RAD51B: variants seen among roughly 807,000 people sequenced by gnomAD.
The protein encoded by RAD51B is RAD51 paralog B.
In RAD51B, 38 loss-of-function variants were observed where a neutral mutation model predicts 42.2. The ratio of observed to expected loss-of-function variants is 0.90; its 90% confidence interval spans 0.70 to 1.18. The LOEUF (loss-of-function observed/expected upper bound fraction) is 1.18, where lower values mean the gene tolerates loss of function less well. RAD51B is among the 50% of genes most tolerant of loss of function. The probability of loss-of-function intolerance (pLI) is 0.00; values close to 1 mark genes in which losing one functional copy is unlikely to be tolerated. For synonymous variants in RAD51B, 154 were observed against 145.2 expected (o/e 1.06, Z -0.43); for missense variants, 373 against 400.7 (o/e 0.93, Z 0.59).
At chr14:67,948,931 CAAAAAAAAAAAA>C (rs59465805) in intron 7 of RAD51B, among the ~76,000 whole-genome samples, 5 of 17,060 alleles carry the variant, frequency 2.9e-4, no homozygotes, top group South Asian at 5.7e-3. Context: ...GACTCTGTCT[CAAAAAAAAAAAA>C]AAAAAAAAAA....
intron 9 of RAD51B, among the ~76,000 whole-genome samples, chr14:68,427,047 G>C (rs1027114220): frequency 6.6e-6 from 1 of 152,222 alleles, no homozygotes; most frequent in South Asian, 2.1e-4. Context: ...AGTAAGCCTT[G>C]GTGGTGCCCA....
At chr14:68,149,219 C>T (rs1432599864) in intron 7 of RAD51B, among the ~76,000 whole-genome samples, 1 of 152,108 alleles carries the variant, frequency 6.6e-6, no homozygotes, top group African/African-American at 2.4e-5. Context: ...TGAAGCCTAA[C>T]ATCAATTTTT....
chr14:68,393,484 A>T (rs1178877161), intron 8 of RAD51B, among the ~76,000 whole-genome samples: 2 of 152,218 alleles, frequency 1.3e-5, no homozygotes, highest in African/African-American at 4.8e-5. Context: ...AATTTCGCTT[A>T]GGAGCTATAC....
chr14:68,293,140 T>C (rs2081547095), intron 8 of RAD51B, among the ~76,000 whole-genome samples: 1 of 152,216 alleles, frequency 6.6e-6, no homozygotes, highest in Non-Finnish European at 1.5e-5. Flanking sequence ...CAGTTTCCAT[T>C]CTGCCACTAC....
At chr14:68,204,162 A>G (rs1055376991) in intron 7 of RAD51B, among the ~76,000 whole-genome samples, 7 of 152,198 alleles carry the variant, frequency 4.6e-5, no homozygotes, top group Non-Finnish European at 1.0e-4. Flanking sequence ...TTCCCTCACT[A>G]AGCTAAATTA....
rs2086032496 is a variant in RAD51B at position 68,468,170 on chromosome 14, A to G, written c.958-2A>G. On this transcript the variant is annotated splice_acceptor_variant, in intron 9 of 10. Transcript: ENST00000471583. LOFTEE classifies it high-confidence loss of function. ...CCCTAGAAAAATGTGCTTTATGTGCAGATTCTTATTGCCAAGTCCCCTCTG... is the reference window on the plus strand; with the variant it reads ...CCCTAGAAAAATGTGCTTTATGTGCGGATTCTTATTGCCAAGTCCCCTCTG... 1.2e-6 allele frequency: 2 copies of G among 1,613,570 alleles called. No individual in the cohort carries two copies. The highest frequency in any genetic ancestry group is 3.3e-5 in the Admixed American group (2 of 60,012).
chr14:68,008,584 G>T (rs2075630436), intron 7 of RAD51B, among the ~76,000 whole-genome samples: 1 of 152,012 alleles, frequency 6.6e-6, no homozygotes, highest in Admixed American at 6.6e-5. Context: ...AGGGAAAGAA[G>T]TAAAATAATT....
In RAD51B at chr14:68,069,763, T is replaced by C. The variant is rs375266762; in HGVS notation, c.756+182559T>C. On this transcript the variant is annotated intron_variant, in intron 7 of 10. Coordinates refer to ENST00000471583, the MANE Select transcript of RAD51B (RefSeq NM_133510.4). ...ATGAACATATGCATGCATGTGTCTTTATGGTAGAATGATTTATTAATACAT... is the reference window on the plus strand; with the variant it reads ...ATGAACATATGCATGCATGTGTCTTCATGGTAGAATGATTTATTAATACAT... The C allele has an allele frequency of 3.3e-5, 5 of 152,294 alleles. No individual in the cohort carries two copies. In the South Asian group the frequency reaches 1.0e-3, roughly 32 times the overall value. The allele number at this position is 152,294 out of a possible 1,614,324, so 9.4% of individuals were successfully genotyped here.
At chr14:68,556,497 G>C (rs1276531002) in intron 10 of RAD51B, among the ~76,000 whole-genome samples, 1 of 152,194 alleles carries the variant, frequency 6.6e-6, no homozygotes, top group East Asian at 1.9e-4. Context: ...GGGACCCCTG[G>C]GGGATGGGGA....
chr14:67,905,695 A>G lies in RAD51B; in HGVS notation c.756+18491A>G, dbSNP rs117002149. Among the ~76,000 whole-genome samples the G allele has an allele frequency of 1.5e-3, 232 of 152,040 alleles. 6 individuals are homozygous for G. The East Asian group carries it at 0.041, about 27-fold the overall frequency. The stretch of plus-strand genomic sequence containing the variant: ...TGGCTATTGTGAATAGGATTGCATT[A>G]TTGATTTGACTCTCAGCTTGGCTGT... On this transcript the variant is annotated intron_variant, in intron 7 of 10. Transcript: ENST00000471583.
At chr14:67,925,849 C>T (rs983095084) in intron 7 of RAD51B, among the ~76,000 whole-genome samples, 6 of 152,206 alleles carry the variant, frequency 3.9e-5, no homozygotes, top group South Asian at 2.1e-4. Flanking sequence ...CCAAGGCTTG[C>T]GGCTTGCACC....
intron 8 of RAD51B, among the ~76,000 whole-genome samples, chr14:68,313,861 A>G (rs2082007865): frequency 3.3e-5 from 5 of 152,214 alleles, no homozygotes; most frequent in Admixed American, 3.3e-4. Flanking sequence ...AGGATTGTTC[A>G]CTACCAGGAT....
intron 7 of RAD51B, among the ~76,000 whole-genome samples, chr14:68,172,740 T>C (rs1392384926): frequency 1.3e-5 from 2 of 152,210 alleles, no homozygotes; most frequent in East Asian, 3.8e-4. Context: ...TTTTAACCAC[T>C]GATGGCTTTT....
At chr14:68,264,600 G>C (rs2080952752) in intron 7 of RAD51B, among the ~76,000 whole-genome samples, 1 of 152,210 alleles carries the variant, frequency 6.6e-6, no homozygotes, top group South Asian at 2.1e-4. Flanking sequence ...GGCTAGGAAA[G>C]GTAGTAAAGG....
intron 8 of RAD51B, among the ~76,000 whole-genome samples, chr14:68,299,901 C>G (rs544408255): frequency 6.6e-6 from 1 of 152,294 alleles, no homozygotes; most frequent in Admixed American, 6.5e-5. Flanking sequence ...GACACTGACA[C>G]TTGACTTTAT....
intron 7 of RAD51B, among the ~76,000 whole-genome samples, chr14:68,192,532 A>C (rs912663993): frequency 6.6e-6 from 1 of 152,194 alleles, no homozygotes; most frequent in African/African-American, 2.4e-5. Context: ...AATTGGTGCC[A>C]AGTTTGATTG....
intron 7 of RAD51B, among the ~76,000 whole-genome samples, chr14:67,988,741 C>A (rs570687636): frequency 3.0e-4 from 46 of 152,206 alleles, no homozygotes; most frequent in African/African-American, 1.1e-3. Flanking sequence ...AAAATGATGG[C>A]CCTGCAGTAT....
At chr14:68,587,219 T>C (rs750304266) in intron 10 of RAD51B, among the ~76,000 whole-genome samples, 18 of 151,952 alleles carry the variant, frequency 1.2e-4, no homozygotes, top group Non-Finnish European at 2.1e-4. Context: ...GAGGTTGGGG[T>C]TGGGTTTTCT....
rs562876848 is a variant in RAD51B, at chr14:68,265,684, G to A, written c.757-26200G>A. Among the ~76,000 whole-genome samples, 29 of 152,234 alleles carry A rather than the reference G, an allele frequency of 1.9e-4. No homozygotes were observed. In the South Asian group the frequency reaches 5.4e-3, roughly 28 times the overall value. ...GGAGAATCACTTGAACCCAGGAGGC[G>A]GAGGTTGCAATGAGCTGAGATCACA... On this transcript the variant is annotated intron_variant, in intron 7 of 10. Transcript: ENST00000471583.
Sources: allele counts gnomAD v4.1 joint callset (sites outside exome capture counted in the v4.1 genomes callset), GRCh38; gene constraint gnomAD v4.1.1; transcripts MANE v1.5; gene names NCBI Gene and HGNC (gene_info 2026-07-23, HGNC 2026-07-21).